Variants in NME9 observed in about 807,000 individuals in gnomAD.
NME9 encodes the protein NME/NM23 family member 9.
A neutral mutation model predicts 44.4 loss-of-function variants in NME9; 48 were observed. The observed-to-expected ratio is 1.08, with a 90% CI of 0.86 to 1.37. The LOEUF (loss-of-function observed/expected upper bound fraction) is 1.37. NME9 is among the 40% of genes most tolerant of loss of function. The pLI, the probability that NME9 is intolerant of heterozygous loss-of-function variation, is 0.00. For synonymous variants in NME9, 139 were observed against 147.1 expected (o/e 0.94, Z 0.40); for missense variants, 325 against 405.2 (o/e 0.80, Z 1.70).
chr3:138,274,967 A>G (rs1191421715), intron 8 of NME9, among the ~76,000 whole-genome samples: 2 of 152,116 alleles, frequency 1.3e-5, no homozygotes, highest in African/African-American at 4.8e-5. Flanking sequence ...GATAGTTTTC[A>G]TTTCTTTTCT....
Position 138,284,684 on chromosome 3 carries a change from A to G in NME9, c.745+18823T>C, listed in dbSNP as rs191042295. On this transcript the variant is annotated intron_variant, in intron 8 of 8. Transcript: ENST00000317876. ...ACTCTCTTCCATCCTGAAGAAAAAG[A>G]AAAAAACACCAACTCCTTGAAGCTT... is the stretch of plus-strand genomic sequence containing the variant. Among the ~76,000 whole-genome samples the G allele has an allele frequency of 2.3e-3, 322 of 138,484 alleles. 1 individual carries two copies. The highest frequency in any genetic ancestry group is 3.3e-3 in the South Asian group (16 of 4,816). The allele number at this position is 138,484 out of a possible 152,430, so 90.9% of individuals were successfully genotyped here. A position where few individuals can be genotyped will look rare whatever the true frequency, so the allele number is the denominator to read the frequency against.
intron 8 of NME9, among the ~76,000 whole-genome samples, chr3:138,265,008 C>T (rs2048139991): frequency 6.6e-6 from 1 of 151,932 alleles, no homozygotes; most frequent in South Asian, 2.1e-4. Flanking sequence ...AGTGATTCTC[C>T]CACCTTGGCC....
intron 8 of NME9, chr3:138,263,438 A>G (rs539587541): frequency 1.6e-4 from 49 of 304,450 alleles, no homozygotes; most frequent in African/African-American, 1.1e-3. Context: ...TTTTCTCAAG[A>G]TTATTTACAT....
chr3:138,303,506 C>T lies in NME9; in HGVS notation c.928+1G>A, dbSNP rs774316972. 1.2e-6 allele frequency: 2 copies of T among 1,612,336 alleles called. No homozygotes were observed. Among genetic ancestry groups the T allele is most frequent in the African/African-American group, 1.3e-5 (1 of 74,982 alleles). The stretch of plus-strand genomic sequence containing the variant: ...AGACCAAGTCTGCCTTGATGACTTA[C>T]CCTGAGGGGCTTCTGTATCTTTGTC... On this transcript the variant is annotated splice_donor_variant, in intron 10 of 10. Transcript: ENST00000333911. LOFTEE classifies it high-confidence loss of function.
chr3:138,296,143 A>G (rs550894990), downstream of NME9: 38 of 423,894 alleles, frequency 9.0e-5, 1 homozygote, highest in South Asian at 1.2e-3. Context: ...CTTTATTAGA[A>G]CAATCAATCA....
intron 8 of NME9, among the ~76,000 whole-genome samples, chr3:138,267,905 CA>C (rs1485418551): frequency 2.0e-5 from 3 of 152,062 alleles, no homozygotes; most frequent in African/African-American, 7.3e-5. Flanking sequence ...TGCATTATAA[CA>C]CTTGTAGGCA....
At chr3:138,301,795 T>A in intron 10 of NME9, 91 bp from the exon 11 acceptor site, 1 of 1,057,764 alleles carries the variant, frequency 9.5e-7, no homozygotes, top group Non-Finnish European at 1.4e-6. Flanking sequence ...AATAGGAAGT[T>A]AAAGGTCAGA....
At chr3:138,267,454 T>C (rs1254819440) in intron 8 of NME9, among the ~76,000 whole-genome samples, 1 of 152,238 alleles carries the variant, frequency 6.6e-6, no homozygotes, top group Non-Finnish European at 1.5e-5. Context: ...ATCTAACATA[T>C]TCAGCTTATT....
chr3:138,306,883 G>C (rs2052311440), intron 6 of NME9, among the ~76,000 whole-genome samples: 1 of 152,138 alleles, frequency 6.6e-6, no homozygotes. Flanking sequence ...AAAGTGAGAG[G>C]GGGGCCTGGA....
intron 1 of NME9, among the ~76,000 whole-genome samples, chr3:138,327,677 CTTT>C (rs2053880542): frequency 1.3e-5 from 2 of 152,122 alleles, no homozygotes; most frequent in African/African-American, 4.8e-5. Flanking sequence ...GGTTGGCCAA[CTTT>C]AGGCATTGCT....
chr3:138,315,566 G>T lies in NME9; in HGVS notation c.345C>A (p.Ala115=). The T allele has an allele frequency of 6.5e-7, 1 of 1,536,528 alleles. No homozygotes were observed. The highest frequency in any genetic ancestry group is 8.7e-7 in the Non-Finnish European group (1 of 1,147,002). The change falls in exon 5 of 11, where the codon GCC becomes GCA. Residue 115 remains alanine (A), a synonymous_variant. Coordinates refer to ENST00000333911, the MANE Select transcript of NME9 (RefSeq NM_001349018.2). The stretch of plus-strand genomic sequence containing the variant: ...TGCCTTCAGCCAGCACTTTCTTTTC[G>T]GCCTCCAGCTGGTCTAGGATGGTTT... ...LQKTILDQLE[A]EKKVLAEGRE...
intron 6 of NME9, among the ~76,000 whole-genome samples, chr3:138,307,160 A>G (rs1334967928): frequency 6.6e-6 from 1 of 152,106 alleles, no homozygotes; most frequent in Non-Finnish European, 1.5e-5. Flanking sequence ...AGATTGCCCC[A>G]CTCATTGGTT....
At chr3:138,271,209 C>G (rs1188047514) in intron 8 of NME9, among the ~76,000 whole-genome samples, 1 of 152,210 alleles carries the variant, frequency 6.6e-6, no homozygotes, top group Non-Finnish European at 1.5e-5. Context: ...GAACTTTGCA[C>G]AGCTTTTAGC....
downstream of NME9, among the ~76,000 whole-genome samples, chr3:138,299,993 T>G (rs1042404695): frequency 6.6e-6 from 1 of 152,070 alleles, no homozygotes; most frequent in African/African-American, 2.4e-5. Context: ...TCCAAGTCGT[T>G]TGCCACTCGT....
At chr3:138,285,178 C>T (rs1281144182) in intron 8 of NME9, among the ~76,000 whole-genome samples, 3 of 152,206 alleles carry the variant, frequency 2.0e-5, no homozygotes, top group Admixed American at 6.5e-5. Context: ...CAGTGATTCT[C>T]TAGGAAGCTG....
chr3:138,287,255 C>G (rs1023368561), intron 8 of NME9, among the ~76,000 whole-genome samples: 5 of 152,190 alleles, frequency 3.3e-5, no homozygotes, highest in African/African-American at 1.2e-4. Flanking sequence ...CACAATTTGG[C>G]TACACCTACT....
chr3:138,282,635 CAAAA>C (rs760470914), intron 8 of NME9, among the ~76,000 whole-genome samples: 14 of 47,520 alleles, frequency 2.9e-4, no homozygotes, highest in East Asian at 6.5e-4. Flanking sequence ...GACTCCATCT[CAAAA>C]AAAAAAAAAA....
chr3:138,325,014 T>C, intron 1 of NME9, 84 bp from the exon 2 acceptor site: 1 of 1,108,218 alleles, frequency 9.0e-7, no homozygotes, highest in Non-Finnish European at 1.4e-6. Flanking sequence ...GATTTCTCTC[T>C]TCTATCTCTG....
At chr3:138,303,469 A>G (rs749101923) in intron 10 of NME9, 38 bp downstream of exon 10, 6 of 1,554,512 alleles carry the variant, frequency 3.9e-6, no homozygotes, top group East Asian at 2.3e-5. Flanking sequence ...CCTTGTATCT[A>G]TGATTTAATA....
Sources: allele counts gnomAD v4.1 joint callset (sites outside exome capture counted in the v4.1 genomes callset), GRCh38; gene constraint gnomAD v4.1.1; transcripts MANE v1.5; gene names NCBI Gene and HGNC (gene_info 2026-07-23, HGNC 2026-07-21).